Variants in NTRK3 observed in about 807,000 individuals in gnomAD.
NTRK3 encodes the protein NT-3 growth factor receptor.
Under a neutral mutation model 91.7 loss-of-function variants are expected in NTRK3, and 24 were observed. That is an observed-to-expected ratio of 0.26 (90% CI 0.19 to 0.37). NTRK3 has a LOEUF of 0.37. Ranked by LOEUF, NTRK3 falls within the 10% of genes least tolerant of loss-of-function variation. NTRK3 has a pLI of 1.00. For synonymous variants in NTRK3, 483 were observed against 404.0 expected (o/e 1.20, Z -2.34); for missense variants, 880 against 1,068.9 (o/e 0.82, Z 2.46).
chr15:88,124,933 G>A (rs1348901669), intron 13 of NTRK3, among the ~76,000 whole-genome samples: 2 of 152,232 alleles, frequency 1.3e-5, no homozygotes, highest in South Asian at 2.1e-4. Context: ...AGCAGAGAGT[G>A]CAAAGGCAGA....
intron 14 of NTRK3, among the ~76,000 whole-genome samples, chr15:88,020,224 A>G (rs1443613799): frequency 2.0e-4 from 31 of 152,120 alleles, no homozygotes; most frequent in Non-Finnish European, 2.9e-5. Context: ...AAAAACACAA[A>G]CAAAAGAATC....
At chr15:88,127,289 A>G in intron 11 of NTRK3, 63 bp from the exon 12 acceptor site, 2 of 1,386,676 alleles carry the variant, frequency 1.4e-6, no homozygotes. Flanking sequence ...GCTCAGCCAC[A>G]GTCCCTGCCC....
At chr15:87,993,456 A>G (rs1021346523) in intron 14 of NTRK3, among the ~76,000 whole-genome samples, 8 of 152,208 alleles carry the variant, frequency 5.3e-5, no homozygotes, top group Non-Finnish European at 1.0e-4. Flanking sequence ...AAGGTGATGA[A>G]GGGGAAAAGA....
intron 5 of NTRK3, among the ~76,000 whole-genome samples, chr15:88,168,054 G>A (rs139713942): frequency 6.6e-6 from 1 of 152,248 alleles, no homozygotes; most frequent in African/African-American, 2.4e-5. Flanking sequence ...CTCGCAGCTG[G>A]TCAGCAAACA....
intron 13 of NTRK3, among the ~76,000 whole-genome samples, chr15:88,036,338 C>G (rs1019276494): frequency 1.3e-5 from 2 of 151,216 alleles, no homozygotes; most frequent in African/African-American, 4.9e-5. Context: ...GAATCATTCT[C>G]TATAACAATA....
chr15:88,041,209 A>T (rs533381442), intron 13 of NTRK3, among the ~76,000 whole-genome samples: 2 of 152,310 alleles, frequency 1.3e-5, no homozygotes, highest in African/African-American at 4.8e-5. Context: ...AGCCCACATA[A>T]AATAGCTCTG....
At chr15:88,239,050 T>C (rs1200226990) in intron 3 of NTRK3, among the ~76,000 whole-genome samples, 3 of 152,240 alleles carry the variant, frequency 2.0e-5, no homozygotes, top group African/African-American at 7.2e-5. Context: ...AATACAGTGC[T>C]TAACACACAG....
intron 5 of NTRK3, among the ~76,000 whole-genome samples, chr15:88,159,168 C>T (rs547518398): frequency 6.6e-6 from 1 of 152,304 alleles, no homozygotes; most frequent in Non-Finnish European, 1.5e-5. Flanking sequence ...CCAGGCCAGA[C>T]AACAGTCCCC....
intron 13 of NTRK3, among the ~76,000 whole-genome samples, chr15:88,042,384 T>C (rs1275309937): frequency 6.6e-6 from 1 of 152,160 alleles, no homozygotes; most frequent in African/African-American, 2.4e-5. Flanking sequence ...GTCATGGCCT[T>C]CTGTTCCTAG....
chr15:87,931,182 G>A (rs757217759), intron 16 of NTRK3: 7 of 516,502 alleles, frequency 1.4e-5, no homozygotes, highest in Non-Finnish European at 2.7e-5. Context: ...GTAGTGCAGA[G>A]GCACCTAGGA....
chr15:88,179,856 G>A (rs2046309508), intron 5 of NTRK3, among the ~76,000 whole-genome samples: 1 of 152,202 alleles, frequency 6.6e-6, no homozygotes, highest in Non-Finnish European at 1.5e-5. Flanking sequence ...GAGGAGAATA[G>A]AGAACTTATC....
intron 13 of NTRK3, among the ~76,000 whole-genome samples, chr15:88,057,006 TA>T (rs1339633529): frequency 6.6e-6 from 1 of 150,866 alleles, no homozygotes; most frequent in Non-Finnish European, 1.5e-5. Context: ...CCGTCTCTAC[TA>T]AAAATACAAA....
Position 88,135,780 on chromosome 15 carries a change from C to T in NTRK3, c.907+119G>A. The T allele has an allele frequency of 2.9e-6, 4 of 1,360,696 alleles. No individual in the cohort carries two copies. In the South Asian group the frequency reaches 3.8e-5, roughly 13 times the overall value. The allele number at this position is 1,360,696 out of a possible 1,614,324, so 84.3% of individuals were successfully genotyped here. On this transcript the variant is annotated intron_variant, in intron 9 of 18. Coordinates refer to ENST00000394480, the Ensembl canonical transcript of NTRK3. ...CCTGCCCTACAAGAGTCCTTCTGTCCCTACTGGTAGATCAGCTCACTGCTC... is the reference window on the plus strand; with the variant it reads ...CCTGCCCTACAAGAGTCCTTCTGTCTCTACTGGTAGATCAGCTCACTGCTC...
chr15:88,135,624 G>A (rs530055878), intron 9 of NTRK3, among the ~76,000 whole-genome samples: 1 of 152,294 alleles, frequency 6.6e-6, no homozygotes, highest in African/African-American at 2.4e-5. Flanking sequence ...GACCTCTTAG[G>A]GGTTTCATAA....
At chr15:88,023,105 G>C (rs756999716) in intron 14 of NTRK3, among the ~76,000 whole-genome samples, 2 of 152,094 alleles carry the variant, frequency 1.3e-5, no homozygotes, top group Non-Finnish European at 2.9e-5. Context: ...GCTATGCTTG[G>C]ATTGTACCAA....
At chr15:88,085,161 G>A (rs533742754) in intron 13 of NTRK3, among the ~76,000 whole-genome samples, 5 of 152,278 alleles carry the variant, frequency 3.3e-5, no homozygotes, top group South Asian at 4.1e-4. Context: ...TTCTTCCTAC[G>A]TTGAGAAACA....
chr15:88,010,748 C>CCA (rs10623073), intron 14 of NTRK3, among the ~76,000 whole-genome samples: 27,210 of 149,066 alleles, frequency 0.18, 2,887 homozygotes, highest in African/African-American at 0.31. Context: ...ACACACACAC[C>CCA]CACACACACA....
At chr15:87,895,416 C>T (rs1190419347) in intron 17 of NTRK3, among the ~76,000 whole-genome samples, 1 of 152,112 alleles carries the variant, frequency 6.6e-6, no homozygotes, top group East Asian at 1.9e-4. Flanking sequence ...GGGGAGTATG[C>T]CCTAGAAACC....
chr15:87,878,489 C>G lies in NTRK3; in HGVS notation c.2293-1369G>C, dbSNP rs77053669. Among the ~76,000 whole-genome samples the G allele has an allele frequency of 5.5e-3, 845 of 152,300 alleles. 14 individuals carry two copies. Among genetic ancestry groups the G allele is most frequent in the East Asian group, 0.03 (157 of 5,170 alleles). On this transcript the variant is annotated intron_variant, in intron 18 of 18. Coordinates refer to ENST00000394480, the Ensembl canonical transcript of NTRK3. ...TAAGTCTCCAGCTGCTTATATTCCC[C>G]ATTCATATTAGAGACCCATTTCCAC...
Sources: allele counts gnomAD v4.1 joint callset (sites outside exome capture counted in the v4.1 genomes callset), GRCh38; gene constraint gnomAD v4.1.1; transcripts MANE v1.5; gene names NCBI Gene and HGNC (gene_info 2026-07-23, HGNC 2026-07-21).